Variants in GLI3 observed in about 807,000 individuals in gnomAD.
GLI3 encodes the protein GLI family zinc finger 3.
Under a neutral mutation model 100.8 loss-of-function variants are expected in GLI3, and 20 were observed. The observed-to-expected ratio is 0.20, with a 90% confidence interval of 0.14 to 0.29. The LOEUF (loss-of-function observed/expected upper bound fraction) is 0.29. Ranked by LOEUF, GLI3 falls within the 10% of genes least tolerant of loss-of-function variation. The probability of loss-of-function intolerance (pLI) is 1.00; values close to 1 mark genes in which losing one functional copy is unlikely to be tolerated. For missense variants in GLI3, 2,040 were observed against 2,128.5 expected (o/e 0.96, Z 0.82); for synonymous variants, 938 against 860.5 (o/e 1.09, Z -1.58).
At chr7:42,223,969 C>T (rs1182069594) in intron 1 of GLI3, among the ~76,000 whole-genome samples, 1 of 152,238 alleles carries the variant, frequency 6.6e-6, no homozygotes, top group African/African-American at 2.4e-5. Flanking sequence ...GAACAACACG[C>T]TCTTGATTCC....
intron 10 of GLI3, among the ~76,000 whole-genome samples, chr7:42,000,359 A>G (rs1054657215): frequency 6.6e-6 from 1 of 152,218 alleles, no homozygotes; most frequent in African/African-American, 2.4e-5. Flanking sequence ...AAACAATGTA[A>G]AATAAATCAG....
intron 6 of GLI3, among the ~76,000 whole-genome samples, chr7:42,041,114 C>A (rs1784127608): frequency 6.6e-6 from 1 of 152,170 alleles, no homozygotes; most frequent in African/African-American, 2.4e-5. Flanking sequence ...CCCTTACGAG[C>A]ATGATAACGA....
chr7:42,139,804 C>T (rs1164658388), intron 3 of GLI3, among the ~76,000 whole-genome samples: 1 of 152,198 alleles, frequency 6.6e-6, no homozygotes, highest in Non-Finnish European at 1.5e-5. Flanking sequence ...TGGAGTCGCA[C>T]GCTGTCAAAT....
intron 10 of GLI3, among the ~76,000 whole-genome samples, chr7:41,995,648 C>T (rs1029130560): frequency 3.9e-5 from 6 of 152,020 alleles, no homozygotes; most frequent in Non-Finnish European, 7.3e-5. Flanking sequence ...AGTCAAAGGC[C>T]TCGACAGAAG....
In GLI3 at chr7:42,076,774, A is replaced by C; in HGVS notation, c.451T>G (p.Ser151Ala). ...HHEGRYHYDPSPIPPLHMTSA... is the reference protein window; with the variant it reads ...HHEGRYHYDPAPIPPLHMTSA... ...TACATATGCAATGGAGGAATCGGAGATGGATCGTAATGGTAACGGCCCTCA... is the reference window on the plus strand; with the variant it reads ...TACATATGCAATGGAGGAATCGGAGCTGGATCGTAATGGTAACGGCCCTCA... The change falls in exon 4 of 15, where the codon TCT becomes GCT. Residue 151 changes from serine (S) to alanine (A), a missense_variant. Physicochemically the swap from Ser to Ala is moderately conservative, Grantham distance 99 (BLOSUM62 1). Around this residue, in one of 5 missense-constraint regions of GLI3, gnomAD observed 603 missense variants for 690.9 expected, o/e 0.87. Transcript: ENST00000395925. The C allele has an allele frequency of 1.2e-6, 2 of 1,603,734 alleles. No homozygotes were observed. Among genetic ancestry groups the C allele is most frequent in the Non-Finnish European group, 1.7e-6 (2 of 1,170,474 alleles).
At chr7:42,219,282 C>T (rs1313107052) in intron 2 of GLI3, among the ~76,000 whole-genome samples, 1 of 152,186 alleles carries the variant, frequency 6.6e-6, no homozygotes. Flanking sequence ...GTCATTTACA[C>T]TTCAAATATA....
In GLI3 at chr7:42,045,443, G is replaced by A. The variant is rs769650527; in HGVS notation, c.767C>T (p.Pro256Leu). 2 of 1,613,884 alleles carry A rather than the reference G, an allele frequency of 1.2e-6. No homozygotes were observed. Among genetic ancestry groups the A allele is most frequent in the South Asian group, 1.1e-5 (1 of 91,074 alleles). Residue 256 changes from proline (P) to leucine (L), a missense_variant, in exon 6 of 15, where the codon CCC (proline) becomes CTC (leucine). Pro to Leu is a moderately conservative substitution (Grantham distance 98). This residue lies in a region of GLI3 where 603 missense variants were observed against 690.9 expected (regional missense o/e 0.87). Coordinates refer to ENST00000395925, the MANE Select transcript of GLI3 (RefSeq NM_000168.6). ...CCCCGTGCCGGCGGTGGCAGCTGAG[G>A]GAATAATGTCTGCATAGGGGCTGCG... The part of the protein sequence containing the change: ...GQRSPYADII[P>L]SAATAGTGAI...
rs536274262 is a variant in GLI3 at position 42,209,266 on chromosome 7, G to C, written c.124+13864C>G. Among the ~76,000 whole-genome samples, 136 of 152,096 alleles carry C rather than the reference G, an allele frequency of 8.9e-4. 1 individual carries two copies. In the Middle Eastern group the frequency reaches 0.014, roughly 15 times the overall value. On this transcript the variant is annotated intron_variant, in intron 2 of 14. Transcript: ENST00000395925. ...GGGTCTTGCTATATTGCCCAGGCTG[G>C]CCTCAAACTCCTGGCCTCAAGCAAT...
intron 10 of GLI3, among the ~76,000 whole-genome samples, chr7:42,007,509 GA>G (rs1788490912): frequency 6.6e-6 from 1 of 151,896 alleles, no homozygotes; most frequent in Admixed American, 6.6e-5. Flanking sequence ...ACTTATTGAG[GA>G]AAAAAACGCC....
intron 3 of GLI3, among the ~76,000 whole-genome samples, chr7:42,104,148 CAGTT>C (rs1424486732): frequency 1.3e-5 from 2 of 152,266 alleles, no homozygotes; most frequent in South Asian, 2.1e-4. Flanking sequence ...TGGTGCCAGA[CAGTT>C]AGGCCAGTAG....
chr7:42,097,466 G>A (rs991002665), intron 3 of GLI3, among the ~76,000 whole-genome samples: 2 of 152,282 alleles, frequency 1.3e-5, no homozygotes, highest in East Asian at 3.9e-4. Flanking sequence ...GGGAGATGCT[G>A]GAGGGAGACG....
Position 42,237,099 on chromosome 7 carries a change from G to C in GLI3, c.-171C>G, listed in dbSNP as rs1391630014. 1.4e-5 allele frequency: 2 copies of C among 147,094 alleles called. No individual in the cohort carries two copies. Among genetic ancestry groups the C allele is most frequent in the East Asian group, 2.0e-4 (1 of 5,056 alleles). 9.1% of individuals were successfully genotyped at this position (147,094 alleles called of 1,614,324 possible). A position where few individuals can be genotyped will look rare whatever the true frequency, so the allele number is the denominator to read the frequency against. On this transcript the variant is annotated 5_prime_UTR_variant, in exon 1 of 15. Transcript: ENST00000395925. ...ACCGCGAGCGGCCGGGCTGGGCGCG[G>C]GGTGCGCCCGCCGCGGGCATGGTGC...
chr7:42,147,559 T>C (rs1786744399), intron 3 of GLI3, among the ~76,000 whole-genome samples: 1 of 152,214 alleles, frequency 6.6e-6, no homozygotes, highest in Non-Finnish European at 1.5e-5. Flanking sequence ...ACTCAACCCT[T>C]ATACATTTTT....
At chr7:42,210,636 A>G (rs1181787558) in intron 2 of GLI3, among the ~76,000 whole-genome samples, 1 of 152,162 alleles carries the variant, frequency 6.6e-6, no homozygotes, top group Non-Finnish European at 1.5e-5. Context: ...ACTTTTTGAA[A>G]AAGTAGTAAA....
intron 2 of GLI3, among the ~76,000 whole-genome samples, chr7:42,166,918 G>A (rs142498912): frequency 2.3e-4 from 35 of 150,478 alleles, no homozygotes; most frequent in African/African-American, 7.1e-4. Flanking sequence ...CTCTGCCTCC[G>A]GGGTTTGAGC....
chr7:41,998,431 C>T (rs999287055), intron 10 of GLI3, among the ~76,000 whole-genome samples: 2 of 152,272 alleles, frequency 1.3e-5, no homozygotes, highest in African/African-American at 4.8e-5. Flanking sequence ...TGGCAGGACA[C>T]GGGATATGTC....
chr7:42,150,673 G>C (rs846373), intron 2 of GLI3, among the ~76,000 whole-genome samples: 1 of 152,062 alleles, frequency 6.6e-6, no homozygotes, highest in Admixed American at 6.5e-5. Context: ...AACCAAACTC[G>C]GCTAACCTGT....
rs555391351 is a variant in GLI3, at chr7:42,024,728, A to T, written c.1356+536T>A. 3.3e-5 allele frequency among the ~76,000 whole-genome samples: 5 copies of T among 152,338 alleles called. No homozygotes were observed. The East Asian group carries it at 7.7e-4, about 24-fold the overall frequency. On this transcript the variant is annotated intron_variant, in intron 9 of 14. Coordinates refer to ENST00000395925, the MANE Select transcript of GLI3 (RefSeq NM_000168.6). The stretch of plus-strand genomic sequence containing the variant: ...ATTGAAATCCTACACTCTTCCTTTC[A>T]GAATTTTAGGCTGAGTGCCAGAATC...
At chr7:42,014,137 G>C (rs846302) in intron 10 of GLI3, among the ~76,000 whole-genome samples, 149,227 of 152,340 alleles carry the variant, frequency 0.98, 73,091 homozygotes, top group East Asian at 0.99. Flanking sequence ...CTTGCAACTT[G>C]CCAGGTTTTG....
Sources: allele counts gnomAD v4.1 joint callset (sites outside exome capture counted in the v4.1 genomes callset), GRCh38; gene constraint gnomAD v4.1.1; regional missense constraint gnomAD v4.1.1; transcripts MANE v1.5; gene names NCBI Gene and HGNC (gene_info 2026-07-23, HGNC 2026-07-21).